Variants in FAM161A observed in about 807,000 individuals in gnomAD.
The protein encoded by FAM161A is protein FAM161A.
Under a neutral mutation model 70.9 loss-of-function variants are expected in FAM161A, and 57 were observed. The observed-to-expected ratio is 0.80, with a 90% confidence interval of 0.65 to 1.00. The LOEUF (loss-of-function observed/expected upper bound fraction) is 1.00. FAM161A is among the 50% of genes least tolerant of loss of function. The probability of loss-of-function intolerance (pLI) is 0.00; values close to 1 mark genes in which losing one functional copy is unlikely to be tolerated. For missense variants in FAM161A, 880 were observed against 836.0 expected, an observed-to-expected ratio of 1.05 and a Z score of -0.65; for synonymous variants, 299 against 295.7, an observed-to-expected ratio of 1.01 and a Z score of -0.12.
intron 2 of FAM161A, among the ~76,000 whole-genome samples, chr2:61,841,611 C>T (rs1044929087): frequency 1.3e-5 from 2 of 152,146 alleles, no homozygotes; most frequent in African/African-American, 4.8e-5. Context: ...CTCCTCAGCG[C>T]CCAGGCATAG....
At chr2:61,814,488 C>G in the FAM161A span, among the ~76,000 whole-genome samples, 1 of 152,148 alleles carries the variant, frequency 6.6e-6, no homozygotes, top group Non-Finnish European at 1.5e-5. Context: ...TGCTTCTCTT[C>G]CTTTCCTCTG....
intron 5 of FAM161A, among the ~76,000 whole-genome samples, chr2:61,831,400 G>C (rs1166547955): frequency 1.3e-5 from 2 of 151,858 alleles, no homozygotes; most frequent in Non-Finnish European, 2.9e-5. Context: ...ATATCAATCT[G>C]ACCATTCCCC....
chr2:61,800,293 T>G, the FAM161A span, among the ~76,000 whole-genome samples: 1 of 152,216 alleles, frequency 6.6e-6, no homozygotes, highest in East Asian at 1.9e-4. Flanking sequence ...ATGGAAATAC[T>G]GAATGTATCA....
chr2:61,830,896 G>A (rs1489132703), intron 5 of FAM161A, among the ~76,000 whole-genome samples: 1 of 151,596 alleles, frequency 6.6e-6, no homozygotes, highest in Non-Finnish European at 1.5e-5. Flanking sequence ...AGATCACAAG[G>A]TCAGGAGTTC....
At chr2:61,845,214 G>A (rs753557538) in intron 1 of FAM161A, among the ~76,000 whole-genome samples, 10 of 152,114 alleles carry the variant, frequency 6.6e-5, no homozygotes, top group Admixed American at 2.6e-4. Context: ...AATAAGCAGC[G>A]GAAGGAGGAC....
intron 2 of FAM161A, among the ~76,000 whole-genome samples, chr2:61,841,574 A>G (rs1434796859): frequency 6.6e-6 from 1 of 152,132 alleles, no homozygotes; most frequent in African/African-American, 2.4e-5. Flanking sequence ...CTAGTCTCTA[A>G]GCTCCTTGAG....
chr2:61,833,016 C>T (rs1010631184), intron 5 of FAM161A, among the ~76,000 whole-genome samples: 3 of 151,762 alleles, frequency 2.0e-5, no homozygotes, highest in Non-Finnish European at 4.4e-5. Context: ...TTTTTGAGAG[C>T]TAACAGAAAA....
At position 61,827,177 on chromosome 2, in the gene FAM161A, T is replaced by C; in HGVS notation, c.1933A>G (p.Lys645Glu). ...LGISDEFVSK[K>E]GQSGKVLEYF... ...TCAAGTACTTTTCCACTTTGGCCTT[T>C]CTTTGAAACAAACTCATCAGATATT... is the stretch of plus-strand genomic sequence containing the variant. Residue 645 changes from lysine (K) to glutamate (E), a missense_variant, in exon 6 of 7, where the codon AAA becomes GAA. Transcript: ENST00000404929. 3 of 1,614,064 alleles carry C rather than the reference T, an allele frequency of 1.9e-6. No homozygotes were observed. Among genetic ancestry groups the C allele is most frequent in the Non-Finnish European group, 2.5e-6 (3 of 1,180,008 alleles).
At chr2:61,818,165 C>G in the FAM161A span, among the ~76,000 whole-genome samples, 1 of 151,224 alleles carries the variant, frequency 6.6e-6, no homozygotes, top group African/African-American at 2.4e-5. Flanking sequence ...AAGCAATTCT[C>G]CTGCCTCAGC....
the FAM161A span, among the ~76,000 whole-genome samples, chr2:61,804,731 G>GGAAA: frequency 1.1e-5 from 1 of 92,920 alleles, no homozygotes; most frequent in Non-Finnish European, 2.2e-5. Flanking sequence ...AAAGAAAGAA[G>GGAAA]GAAAGAAAGA....
At chr2:61,851,429 C>T (rs933096441) in intron 1 of FAM161A, among the ~76,000 whole-genome samples, 1 of 152,012 alleles carries the variant, frequency 6.6e-6, no homozygotes, top group Non-Finnish European at 1.5e-5. Flanking sequence ...CTCCGCCTCC[C>T]GGGTTCAGGC....
chr2:61,821,794 G>A (rs1172882137), downstream of FAM161A, among the ~76,000 whole-genome samples: 2 of 151,646 alleles, frequency 1.3e-5, no homozygotes, highest in East Asian at 1.9e-4. Context: ...TTTTTAGACA[G>A]AGTCTTGCTC....
chr2:61,840,335 T>A lies in FAM161A; in HGVS notation c.669A>T (p.Glu223Asp), dbSNP rs749410092. Residue 223 changes from glutamate (E) to aspartate (D), a missense_variant, in exon 3 of 7, where the codon GAA (glutamate) becomes GAT (aspartate). By Grantham distance (45) the Glu-to-Asp change is conservative (BLOSUM62 2). Transcript: ENST00000404929. ...ATTCTTTTCGTTTCTTCCTTCTTTT[T>A]TCAGCTGCATGGAAGCCAGTATCTT... Reference protein sequence around the residue: ...RCKDTGFHAAEKRRKKRKEWV... With the variant: ...RCKDTGFHAADKRRKKRKEWV... 1 of 1,614,160 alleles carries A rather than the reference T, an allele frequency of 6.2e-7. No individual in the cohort carries two copies. The highest frequency in any genetic ancestry group is 8.5e-7 in the Non-Finnish European group (1 of 1,180,036).
chr2:61,851,747 A>AG (rs1248015247), intron 1 of FAM161A, among the ~76,000 whole-genome samples: 7 of 107,734 alleles, frequency 6.5e-5, no homozygotes, highest in Non-Finnish European at 8.9e-5. Context: ...GGGCACTGCA[A>AG]GGGGGGTGCG....
At chr2:61,814,513 C>G in the FAM161A span, among the ~76,000 whole-genome samples, 1 of 152,100 alleles carries the variant, frequency 6.6e-6, no homozygotes, top group African/African-American at 2.4e-5. Context: ...AGAGGAGTTT[C>G]AGACAAGCTA....
chr2:61,832,644 C>T (rs909964875), intron 5 of FAM161A, among the ~76,000 whole-genome samples: 7 of 152,114 alleles, frequency 4.6e-5, no homozygotes, highest in African/African-American at 1.7e-4. Flanking sequence ...AGTGGGAGGG[C>T]GAGCATTATG....
intron 1 of FAM161A, among the ~76,000 whole-genome samples, chr2:61,849,917 G>C (rs1050569283): frequency 7.1e-6 from 1 of 141,460 alleles, no homozygotes; most frequent in African/African-American, 2.6e-5. Flanking sequence ...AAAATAATGA[G>C]TACACACGAA....
chr2:61,833,809 C>G (rs994048065), intron 5 of FAM161A, among the ~76,000 whole-genome samples: 1 of 152,080 alleles, frequency 6.6e-6, no homozygotes, highest in African/African-American at 2.4e-5. Flanking sequence ...GTGGGAGGAT[C>G]ACTTGAGGCC....
At chr2:61,838,853 AATAT>A (rs1672873238) in intron 3 of FAM161A, 148 bp from the exon 4 acceptor site, 1 of 228,416 alleles carries the variant, frequency 4.4e-6, no homozygotes, top group African/African-American at 3.2e-5. Context: ...TAAAACTAGA[AATAT>A]TTATTTATTT....
Sources: allele counts gnomAD v4.1 joint callset (sites outside exome capture counted in the v4.1 genomes callset), GRCh38; gene constraint gnomAD v4.1.1; transcripts MANE v1.5; gene names NCBI Gene and HGNC (gene_info 2026-07-23, HGNC 2026-07-21).